Variants in ADAMTSL1 observed in about 807,000 individuals in gnomAD.
The protein encoded by ADAMTSL1 is ADAMTS like 1.
ADAMTSL1 carries 126 observed loss-of-function variants against 201.8 expected under a neutral mutation model. The ratio of observed to expected loss-of-function variants is 0.62; its 90% CI spans 0.54 to 0.72. The LOEUF is 0.72. Among genes scored for constraint, ADAMTSL1 ranks in the 30% least tolerant of loss-of-function variants. The pLI is 0.00. For synonymous variants in ADAMTSL1, 1,121 were observed against 903.4 expected (o/e 1.24, Z -4.32); for missense variants, 2,679 against 2,277.8 (o/e 1.18, Z -3.59).
intron 2 of ADAMTSL1, among the ~76,000 whole-genome samples, chr9:18,325,384 C>T (rs1739109789): frequency 6.6e-6 from 1 of 152,206 alleles, no homozygotes; most frequent in African/African-American, 2.4e-5. Flanking sequence ...GTGATGTATT[C>T]ATACCACACA....
rs1422503033 is a variant in ADAMTSL1 at position 18,826,005 on chromosome 9, C to A, written c.3935-279C>A. ...TCCTCTTTGTACTGGCCTCCCTCTT[C>A]CTGTCTCATCACTGTAAGTTTAAAA... On this transcript the variant is annotated intron_variant, in intron 21 of 28. Coordinates refer to ENST00000380548, the MANE Select transcript of ADAMTSL1 (RefSeq NM_001040272.6). 4.2e-5 allele frequency: 24 copies of A among 575,982 alleles called. No homozygotes were observed. The East Asian group carries it at 6.4e-4, about 15-fold the overall frequency. 35.7% of individuals were successfully genotyped at this position (575,982 alleles called of 1,614,324 possible). A position where few individuals can be genotyped will look rare whatever the true frequency, so the allele number is the denominator to read the frequency against.
chr9:18,890,723 C>CA (rs892302598), intron 25 of ADAMTSL1: 18 of 362,038 alleles, frequency 5.0e-5, no homozygotes, highest in African/African-American at 2.1e-4. Flanking sequence ...TTTCTCAAAC[C>CA]CCCCCCACCC....
chr9:18,080,867 T>A (rs1360364164), intron 1 of ADAMTSL1, among the ~76,000 whole-genome samples: 1 of 152,204 alleles, frequency 6.6e-6, no homozygotes, highest in Non-Finnish European at 1.5e-5. Context: ...AAAACTTATA[T>A]TTTTAGAAAA....
rs373751465 is a variant in ADAMTSL1 at position 18,681,974 on chromosome 9, G to C, written c.1489+15G>C. ...TAAACCCAAAGGTAACTTGACAGGT[G>C]CTCTATTACCAGCCTGTTAATTGTT... On this transcript the variant is annotated intron_variant, in intron 12 of 28. Transcript: ENST00000380548. The C allele has an allele frequency of 1.7e-5, 27 of 1,613,420 alleles. No homozygotes were observed. In the African/African-American group the frequency reaches 2.5e-4, roughly 15 times the overall value.
chr9:18,303,606 G>A (rs1262058401), intron 2 of ADAMTSL1, among the ~76,000 whole-genome samples: 1 of 152,136 alleles, frequency 6.6e-6, no homozygotes, highest in African/African-American at 2.4e-5. Flanking sequence ...ATCAAGCTGA[G>A]GGAATGAGGG....
intron 2 of ADAMTSL1, 113 bp from the exon 3 acceptor site, chr9:18,533,134 G>A (rs1819546728): frequency 2.8e-6 from 2 of 717,282 alleles, no homozygotes; most frequent in Non-Finnish European, 4.5e-6. Flanking sequence ...AACATGCTTA[G>A]AAGAAAAGAG....
intron 2 of ADAMTSL1, among the ~76,000 whole-genome samples, chr9:18,254,654 C>T (rs949266012): frequency 2.1e-5 from 3 of 143,530 alleles, no homozygotes; most frequent in South Asian, 2.3e-4. Context: ...TGAGCCACCG[C>T]GCCTGCCCCC....
At chr9:18,745,585 C>T (rs1022675840) in intron 15 of ADAMTSL1, among the ~76,000 whole-genome samples, 15 of 152,142 alleles carry the variant, frequency 9.9e-5, no homozygotes, top group African/African-American at 2.9e-4. Context: ...TCTGGGCACT[C>T]GATTTGCTTG....
intron 23 of ADAMTSL1, among the ~76,000 whole-genome samples, chr9:18,856,460 A>ATTTTT (rs398010404): frequency 0.19 from 21,410 of 111,600 alleles, 3,074 homozygotes; most frequent in East Asian, 0.31. Flanking sequence ...GATAAGAAGG[A>ATTTTT]TTTTTTTTTT....
intron 7 of ADAMTSL1, among the ~76,000 whole-genome samples, chr9:18,643,096 T>A (rs1827551753): frequency 6.6e-6 from 1 of 151,988 alleles, no homozygotes; most frequent in South Asian, 2.1e-4. Flanking sequence ...AATACTTACC[T>A]TTTGTCTTTT....
intron 23 of ADAMTSL1, among the ~76,000 whole-genome samples, chr9:18,843,381 G>A (rs1400536205): frequency 6.6e-6 from 1 of 150,942 alleles, no homozygotes; most frequent in Non-Finnish European, 1.5e-5. Context: ...CTTCTGGCTT[G>A]TAGAGTTTCT....
At chr9:18,650,333 C>T (rs1468144567) in intron 7 of ADAMTSL1, among the ~76,000 whole-genome samples, 2 of 152,216 alleles carry the variant, frequency 1.3e-5, no homozygotes, top group Admixed American at 6.5e-5. Context: ...TCCCTGACCC[C>T]TTGCACTTCC....
chr9:18,035,685 C>T (rs555680229), intron 1 of ADAMTSL1, among the ~76,000 whole-genome samples: 69 of 152,230 alleles, frequency 4.5e-4, no homozygotes, highest in Non-Finnish European at 1.2e-4. Context: ...CACCTCCTGA[C>T]ATTCTTCATG....
At chr9:18,782,548 C>G (rs964947373) in intron 19 of ADAMTSL1, among the ~76,000 whole-genome samples, 1 of 152,148 alleles carries the variant, frequency 6.6e-6, no homozygotes, top group Non-Finnish European at 1.5e-5. Context: ...GCTGTATGCC[C>G]AGTAACCGGC....
chr9:18,646,444 G>C (rs1235048078), intron 7 of ADAMTSL1, among the ~76,000 whole-genome samples: 1 of 151,822 alleles, frequency 6.6e-6, no homozygotes, highest in Non-Finnish European at 1.5e-5. Flanking sequence ...GGAGTGGTGA[G>C]AGAGGGCATC....
chr9:18,186,411 A>G (rs1373914033), intron 2 of ADAMTSL1, among the ~76,000 whole-genome samples: 1 of 152,132 alleles, frequency 6.6e-6, no homozygotes, highest in Admixed American at 6.6e-5. Context: ...ATATCATGTG[A>G]GTAAATGCTG....
chr9:18,587,890 G>A (rs918164982), intron 4 of ADAMTSL1, among the ~76,000 whole-genome samples: 1 of 152,078 alleles, frequency 6.6e-6, no homozygotes, highest in African/African-American at 2.4e-5. Context: ...GAACACTTAG[G>A]TTGATTATAT....
chr9:18,479,998 A>G lies in ADAMTSL1; in HGVS notation c.63+5703A>G, dbSNP rs190482459. On this transcript the variant is annotated intron_variant, in intron 1 of 28. Coordinates refer to ENST00000380548, the MANE Select transcript of ADAMTSL1 (RefSeq NM_001040272.6). ...GTAGCCACACACTGAACAACAATTAACCCCTTTTGCTCTTGTTAATTAGAA... is the reference window on the plus strand; with the variant it reads ...GTAGCCACACACTGAACAACAATTAGCCCCTTTTGCTCTTGTTAATTAGAA... 8.6e-5 allele frequency among the ~76,000 whole-genome samples: 13 copies of G among 151,976 alleles called. No individual in the cohort carries two copies. In the East Asian group the frequency reaches 2.5e-3, roughly 29 times the overall value.
intron 2 of ADAMTSL1, among the ~76,000 whole-genome samples, chr9:18,507,722 C>T (rs779954890): frequency 1.2e-4 from 18 of 152,138 alleles, no homozygotes; most frequent in Admixed American, 3.9e-4. Flanking sequence ...CCCTACCCCA[C>T]GCATGTATTT....
Sources: gnomAD v4.1 joint callset for allele counts (sites outside exome capture counted in the v4.1 genomes callset) on GRCh38, gnomAD v4.1.1 for gene constraint, MANE v1.5 for transcripts, NCBI Gene and HGNC (gene_info 2026-07-23, HGNC 2026-07-21) for gene names.